The following ARRDC3 variants were observed in gnomAD, a reference collection of about 807,000 sequenced individuals.
The protein encoded by ARRDC3 is arrestin domain containing 3.
In ARRDC3, 10 loss-of-function variants were observed where a neutral mutation model predicts 47.2. The ratio of observed to expected loss-of-function variants is 0.21; its 90% CI spans 0.13 to 0.36. The LOEUF is 0.36. ARRDC3 is among the 10% of genes least tolerant of loss of function. The pLI is 1.00. For missense variants in ARRDC3, 381 were observed against 503.6 expected (o/e 0.76, Z 2.33); for synonymous variants, 156 against 178.3 (o/e 0.87, Z 1.00).
chr5:91,373,802 T>C lies in ARRDC3; in HGVS notation c.1070A>G (p.Gln357Arg). Residue 357 changes from glutamine to arginine, a missense_variant, in exon 7 of 8, where the codon CAA (glutamine) becomes CGA (arginine). By Grantham distance (43) the Gln-to-Arg change is conservative. Coordinates refer to ENST00000265138, the MANE Select transcript of ARRDC3 (RefSeq NM_020801.4). The stretch of plus-strand genomic sequence containing the variant: ...CACTGGTGCAAGATTGTTCCGCCTT[T>C]GTTCCTCTGTTACCACTTCTGCATA... ...PSYAEVVTEEQRRNNLAPVSA... is the reference protein window; with the variant it reads ...PSYAEVVTEERRRNNLAPVSA... 2 of 1,614,120 alleles carry C rather than the reference T, an allele frequency of 1.2e-6. No individual in the cohort carries two copies. The highest frequency in any genetic ancestry group is 1.3e-5 in the African/African-American group (1 of 75,056).
intron 6 of ARRDC3, 98 bp downstream of exon 6, chr5:91,374,016 A>C (rs1799242081): frequency 2.1e-6 from 3 of 1,461,614 alleles, no homozygotes; most frequent in Non-Finnish European, 2.8e-6. Context: ...CTTTAGGAAA[A>C]GATTATGTTC....
In ARRDC3 at chr5:91,382,077, GA is replaced by G. The variant is rs201129684; in HGVS notation, c.280+735del. Among the ~76,000 whole-genome samples the G allele has an allele frequency of 3.6e-3, 554 of 152,200 alleles. 2 individuals are homozygous for G. Among genetic ancestry groups the G allele is most frequent in the African/African-American group, 0.013 (525 of 41,510 alleles). ...TGCCCTATACTTTTCAATTCCATTT[GA>G]CTGGCATGGGTTTCATTGAATGCAC... On this transcript the variant is annotated intron_variant, in intron 1 of 7. Transcript: ENST00000265138.
In ARRDC3 at chr5:91,382,930, C is replaced by A. The variant is rs370277302; in HGVS notation, c.163G>T (p.Ala55Ser). The change falls in exon 1 of 8, where the codon GCG becomes TCG. Residue 55 changes from alanine (A) to serine (S), a missense_variant. Coordinates refer to ENST00000265138, the MANE Select transcript of ARRDC3 (RefSeq NM_020801.4). ...KSLKIHARGHAKVRWTESRNA... is the reference protein window; with the variant it reads ...KSLKIHARGHSKVRWTESRNA... ...CTAGATTCAGTCCAGCGTACTTTCG[C>A]ATGTCCTCTTGCATGAATTTTAAGA... is the stretch of plus-strand genomic sequence containing the variant. The A allele has an allele frequency of 6.2e-7, 1 of 1,614,138 alleles. No homozygotes were observed. The highest frequency in any genetic ancestry group is 1.3e-5 in the African/African-American group (1 of 75,038).
At position 91,369,159 on chromosome 5, in the gene ARRDC3, A is replaced by G. The variant is rs1408926997; in HGVS notation, c.*2241T>C. The G allele has an allele frequency of 6.6e-6, 1 of 152,516 alleles. No homozygotes were observed. The highest frequency in any genetic ancestry group is 1.9e-4 in the East Asian group (1 of 5,202). The allele number at this position is 152,516 out of a possible 1,614,324, so 9.4% of individuals were successfully genotyped here. A position where few individuals can be genotyped will look rare whatever the true frequency, so the allele number is the denominator to read the frequency against. The stretch of plus-strand genomic sequence containing the variant: ...GTGATCCAGTGCCAATTATCAGAAT[A>G]TTGGTCATTCTTGCTTCATGTGTTA... On this transcript the variant is annotated 3_prime_UTR_variant, in exon 8 of 8. Coordinates refer to ENST00000265138, the MANE Select transcript of ARRDC3 (RefSeq NM_020801.4).
chr5:91,371,743 A>T (rs1799182718), intron 7 of ARRDC3, among the ~76,000 whole-genome samples: 1 of 152,326 alleles, frequency 6.6e-6, no homozygotes, highest in South Asian at 2.1e-4. Flanking sequence ...GTAAAATTTT[A>T]TCAGTGAATG....
At position 91,373,781 on chromosome 5, in the gene ARRDC3, G is replaced by C. The variant is rs748045316; in HGVS notation, c.1091C>G (p.Pro364Arg). The C allele has an allele frequency of 1.2e-6, 2 of 1,614,088 alleles. No homozygotes were observed. The highest frequency in any genetic ancestry group is 1.7e-6 in the Non-Finnish European group (2 of 1,179,966). The stretch of plus-strand genomic sequence containing the variant: ...CTCAAAGTCATCACAAGCACTCACT[G>C]GTGCAAGATTGTTCCGCCTTTGTTC... ...TEEQRRNNLA[P>R]VSACDDFERA... Residue 364 changes from proline to arginine, a missense_variant, in exon 7 of 8, where the codon CCA becomes CGA. Pro to Arg is a moderately radical substitution (Grantham distance 103). Transcript: ENST00000265138.
chr5:91,380,725 A>G (rs1332585933), intron 1 of ARRDC3: 1 of 152,280 alleles, frequency 6.6e-6, no homozygotes, highest in Admixed American at 6.5e-5. Context: ...CTTCCCATCC[A>G]ACTTCCATCT....
rs1799112904 is a variant in ARRDC3 at position 91,369,275 on chromosome 5, T to A, written c.*2125A>T. 1 of 152,524 alleles carries A rather than the reference T, an allele frequency of 6.6e-6. No homozygotes were observed. Among genetic ancestry groups the A allele is most frequent in the African/African-American group, 2.4e-5 (1 of 41,418 alleles). The allele number at this position is 152,524 out of a possible 1,614,324, so 9.4% of individuals were successfully genotyped here. ...TTAGACGTAAGAGAGAAAAGGGATT[T>A]TCTGACAATCCCCCTCAAACAAAAA... On this transcript the variant is annotated 3_prime_UTR_variant, in exon 8 of 8. Coordinates refer to ENST00000265138, the MANE Select transcript of ARRDC3 (RefSeq NM_020801.4).
chr5:91,378,011 A>AT (rs201618546), intron 2 of ARRDC3, among the ~76,000 whole-genome samples: 23 of 151,796 alleles, frequency 1.5e-4, no homozygotes, highest in East Asian at 7.7e-4. Flanking sequence ...GTTAAAAGGC[A>AT]TTTTTTTTTA....
At chr5:91,377,240 G>A (rs980420295) in intron 2 of ARRDC3, among the ~76,000 whole-genome samples, 1 of 152,108 alleles carries the variant, frequency 6.6e-6, no homozygotes, top group African/African-American at 2.4e-5. Context: ...GTCTAGAAAA[G>A]GCCTGGAATA....
At position 91,369,566 on chromosome 5, in the gene ARRDC3, TG is replaced by T. The variant is rs1425489047; in HGVS notation, c.*1833del. On this transcript the variant is annotated 3_prime_UTR_variant, in exon 8 of 8. Transcript: ENST00000265138. ...AAGGCCACTTATGGAAAAGCCTATT[TG>T]TTTTGTATGAGCTTTAAGACAGTAT... 1 of 152,502 alleles carries T rather than the reference TG, an allele frequency of 6.6e-6. No individual in the cohort carries two copies. Among genetic ancestry groups the T allele is most frequent in the Non-Finnish European group, 1.5e-5 (1 of 68,016 alleles). 9.4% of individuals were successfully genotyped at this position (152,502 alleles called of 1,614,324 possible).
At chr5:91,378,930 T>C (rs1463029065) in intron 1 of ARRDC3, among the ~76,000 whole-genome samples, 155 bp from the exon 2 acceptor site, 5 of 152,172 alleles carry the variant, frequency 3.3e-5, no homozygotes, top group African/African-American at 1.2e-4. Flanking sequence ...AACTTCATCA[T>C]TTCCTCTGGA....
intron 2 of ARRDC3, among the ~76,000 whole-genome samples, chr5:91,378,010 C>T (rs904463501): frequency 6.6e-6 from 1 of 151,970 alleles, no homozygotes; most frequent in African/African-American, 2.4e-5. Context: ...TGTTAAAAGG[C>T]ATTTTTTTTT....
At chr5:91,380,087 C>G (rs1047817884) in intron 1 of ARRDC3, 7 of 152,302 alleles carry the variant, frequency 4.6e-5, no homozygotes, top group Non-Finnish European at 7.3e-5. Context: ...GCTCAGCAGT[C>G]TCATTGAAGC....
chr5:91,378,573 G>A, intron 2 of ARRDC3, 121 bp downstream of exon 2: 1 of 627,474 alleles, frequency 1.6e-6, no homozygotes. Flanking sequence ...CCTCTAGCAA[G>A]TTTCAGTAAT....
At chr5:91,377,995 A>G (rs1799345467) in intron 2 of ARRDC3, among the ~76,000 whole-genome samples, 2 of 152,118 alleles carry the variant, frequency 1.3e-5, no homozygotes, top group Admixed American at 1.3e-4. Flanking sequence ...GCAGGTTTTA[A>G]TATTTGTTAA....
At chr5:91,380,204 G>T in intron 1 of ARRDC3, 1 of 163,936 alleles carries the variant, frequency 6.1e-6, no homozygotes, top group Non-Finnish European at 1.3e-5. Context: ...ATCCCAGCCG[G>T]CCTGCCCGCG....
At chr5:91,371,487 A>G (rs755756957) in intron 7 of ARRDC3, 31 bp from the exon 8 acceptor site, 17 of 1,571,170 alleles carry the variant, frequency 1.1e-5, no homozygotes, top group Non-Finnish European at 1.4e-5. Context: ...AAGTTTACAG[A>G]GTTATTTCAT....
In ARRDC3 at chr5:91,383,248, T is replaced by A; in HGVS notation, c.-156A>T. On this transcript the variant is annotated 5_prime_UTR_variant, in exon 1 of 8. It adds an upstream start codon to the 5' untranslated region. Transcript: ENST00000265138. ...TCTACAAATAGTTCATTGAGATTTC[T>A]TAAAAAGTCAGGGCAGCAGAGGCTG... 1.4e-6 allele frequency: 1 copy of A among 728,778 alleles called. No individual in the cohort carries two copies. The highest frequency in any genetic ancestry group is 2.1e-6 in the Non-Finnish European group (1 of 467,466). The allele number at this position is 728,778 out of a possible 1,614,324, so 45.1% of individuals were successfully genotyped here.
Sources: gnomAD v4.1 joint callset for allele counts (sites outside exome capture counted in the v4.1 genomes callset) on GRCh38, gnomAD v4.1.1 for gene constraint, MANE v1.5 for transcripts, NCBI Gene and HGNC (gene_info 2026-07-23, HGNC 2026-07-21) for gene names.